PIK3C3: variants seen among roughly 807,000 people sequenced by gnomAD.
PIK3C3 encodes phosphatidylinositol 3-kinase catalytic subunit type 3.
A neutral mutation model predicts 126.1 loss-of-function variants in PIK3C3; 95 were observed. That is an observed-to-expected ratio of 0.75 (90% CI 0.64 to 0.89). PIK3C3 has a LOEUF of 0.89. Ranked by LOEUF, PIK3C3 falls within the 40% of genes least tolerant of loss-of-function variation. The pLI is 0.00. For missense variants in PIK3C3, 829 were observed against 1,063.2 expected (o/e 0.78, Z 3.06); for synonymous variants, 374 against 360.0 (o/e 1.04, Z -0.44).
intron 4 of PIK3C3, among the ~76,000 whole-genome samples, chr18:41,976,549 A>G (rs1568118042): frequency 6.6e-6 from 1 of 152,198 alleles, no homozygotes; most frequent in East Asian, 1.9e-4. Context: ...TTTAGAGACC[A>G]TTTTTTATTC....
At chr18:41,975,403 C>T (rs537331181) in intron 4 of PIK3C3, among the ~76,000 whole-genome samples, 11 of 152,248 alleles carry the variant, frequency 7.2e-5, no homozygotes, top group East Asian at 5.8e-4. Context: ...AATGCTTAGA[C>T]GCCCCTGGTG....
In PIK3C3 at chr18:41,957,667, G is replaced by C. The variant is rs376966650; in HGVS notation, c.166G>C (p.Asp56His). ...AGGACTATATCAAGAGACATGCTCT[G>C]ATCTTTATGTTACTTGTCAAGTTTT... ...FSGLYQETCS[D>H]LYVTCQVFAE... Residue 56 changes from aspartate (D) to histidine (H), a missense_variant, in exon 2 of 25, where the codon GAT becomes CAT. This residue lies in a region of PIK3C3 where 313 missense variants were observed against 340.7 expected (regional missense o/e 0.92). Transcript: ENST00000262039. 1 of 1,613,922 alleles carries C rather than the reference G, an allele frequency of 6.2e-7. No individual in the cohort carries two copies. Among genetic ancestry groups the C allele is most frequent in the African/African-American group, 1.3e-5 (1 of 75,048 alleles).
chr18:41,993,813 G>A (rs956492959), intron 7 of PIK3C3, among the ~76,000 whole-genome samples: 9 of 152,072 alleles, frequency 5.9e-5, no homozygotes, highest in African/African-American at 1.7e-4. Context: ...AATTTGGAAC[G>A]TGGTAACTTG....
chr18:42,034,879 T>A (rs1437343364), intron 16 of PIK3C3, among the ~76,000 whole-genome samples: 1 of 152,198 alleles, frequency 6.6e-6, no homozygotes, highest in Non-Finnish European at 1.5e-5. Flanking sequence ...CAGTTCATAT[T>A]TTTTAAAAAA....
At chr18:42,038,408 C>T (rs2144465025) in intron 17 of PIK3C3, among the ~76,000 whole-genome samples, 1 of 152,022 alleles carries the variant, frequency 6.6e-6, no homozygotes, top group South Asian at 2.1e-4. Context: ...GTGGCGCGAT[C>T]TTGGCTCACT....
chr18:42,023,592 A>C (rs973385808), intron 13 of PIK3C3, among the ~76,000 whole-genome samples: 1 of 152,208 alleles, frequency 6.6e-6, no homozygotes, highest in Non-Finnish European at 1.5e-5. Flanking sequence ...TCTGCCTATT[A>C]CATATTCAGA....
At chr18:42,070,358 T>A (rs1985722686) in intron 24 of PIK3C3, 1 of 152,230 alleles carries the variant, frequency 6.6e-6, no homozygotes, top group African/African-American at 2.4e-5. Flanking sequence ...AGCTTAAAGT[T>A]GAGCCTTCAA....
intron 16 of PIK3C3, 120 bp from the exon 17 acceptor site, chr18:42,037,572 G>A (rs1190544865): frequency 1.2e-6 from 1 of 825,406 alleles, no homozygotes; most frequent in Non-Finnish European, 1.9e-6. Flanking sequence ...AACCCAACTT[G>A]TTTTTTAGGT....
intron 24 of PIK3C3, among the ~76,000 whole-genome samples, chr18:42,075,465 G>A (rs1017914798): frequency 6.6e-6 from 1 of 151,828 alleles, no homozygotes; most frequent in Admixed American, 6.6e-5. Context: ...ACAACAACAG[G>A]AAAAATCATT....
chr18:42,063,497 T>C (rs976620530), intron 22 of PIK3C3, among the ~76,000 whole-genome samples: 3 of 152,230 alleles, frequency 2.0e-5, no homozygotes, highest in Non-Finnish European at 4.4e-5. Context: ...TTAGCTATTA[T>C]CATAACTTTT....
At position 42,015,457 on chromosome 18, in the gene PIK3C3, T is replaced by C; in HGVS notation, c.1326-19T>C. On this transcript the variant is annotated intron_variant, in intron 11 of 24. Coordinates refer to ENST00000262039, the MANE Select transcript of PIK3C3 (RefSeq NM_002647.4). ...CAGAGTATTTTACATCTCAGTGATC[T>C]CTTTTATTACTTTTTCAGCTCCCAA... 1.3e-6 allele frequency: 2 copies of C among 1,582,384 alleles called. No homozygotes were observed. The highest frequency in any genetic ancestry group is 1.7e-6 in the Non-Finnish European group (2 of 1,151,752).
At chr18:42,067,326 C>G in intron 23 of PIK3C3, 62 bp from the exon 24 acceptor site, 1 of 1,481,396 alleles carries the variant, frequency 6.8e-7, no homozygotes, top group Non-Finnish European at 9.4e-7. Context: ...CAGTTTGATT[C>G]TGCCTGTTCA....
At chr18:42,030,720 CT>C (rs1983784019) in intron 15 of PIK3C3, among the ~76,000 whole-genome samples, 1 of 152,204 alleles carries the variant, frequency 6.6e-6, no homozygotes, top group African/African-American at 2.4e-5. Flanking sequence ...ACTGTTCCCC[CT>C]GTAGCACCTC....
intron 16 of PIK3C3, among the ~76,000 whole-genome samples, chr18:42,036,041 T>G (rs1051504768): frequency 6.6e-6 from 1 of 152,180 alleles, no homozygotes; most frequent in Non-Finnish European, 1.5e-5. Context: ...AAGATTCTCC[T>G]GCCTGTCATT....
At chr18:42,076,211 CAT>C (rs1262353098) in intron 24 of PIK3C3, among the ~76,000 whole-genome samples, 31 of 135,112 alleles carry the variant, frequency 2.3e-4, no homozygotes, top group Admixed American at 6.0e-4. Flanking sequence ...TATATATGCA[CAT>C]ATATATATGC....
Position 42,085,280 on chromosome 18 carries a change from A to G in PIK3C3, c.*4143A>G, listed in dbSNP as rs1167237777. ...TGAGGGTAGATAACCCATATTCCAA[A>G]ATACAGTATTATTTTCATTTGCTGT... On this transcript the variant is annotated 3_prime_UTR_variant, in exon 25 of 25. Coordinates refer to ENST00000262039, the MANE Select transcript of PIK3C3 (RefSeq NM_002647.4). The G allele has an allele frequency of 6.6e-6, 1 of 152,176 alleles. No individual in the cohort carries two copies. The highest frequency in any genetic ancestry group is 1.5e-5 in the Non-Finnish European group (1 of 68,028). The allele number at this position is 152,176 out of a possible 1,614,324, so 9.4% of individuals were successfully genotyped here.
chr18:41,987,803 A>T lies in PIK3C3; in HGVS notation c.532-9A>T, dbSNP rs529330186. ...TATTAAAATTTTCGTCATTGTATTT[A>T]TTCTGCAGCTCACCAAAGCTCATCG... On this transcript the variant is annotated splice_polypyrimidine_tract_variant and intron_variant, in intron 4 of 24. Coordinates refer to ENST00000262039, the MANE Select transcript of PIK3C3 (RefSeq NM_002647.4). 3 of 1,595,926 alleles carry T rather than the reference A, an allele frequency of 1.9e-6. No individual in the cohort carries two copies. The highest frequency in any genetic ancestry group is 1.7e-6 in the Non-Finnish European group (2 of 1,168,570).
intron 12 of PIK3C3, 53 bp from the exon 13 acceptor site, chr18:42,020,584 TC>T: frequency 9.0e-7 from 1 of 1,108,382 alleles, no homozygotes; most frequent in Non-Finnish European, 1.3e-6. Context: ...TTACTTATTT[TC>T]CCCCATTACT....
intron 22 of PIK3C3, among the ~76,000 whole-genome samples, chr18:42,058,979 C>T (rs1985195663): frequency 6.6e-6 from 1 of 152,208 alleles, no homozygotes; most frequent in Non-Finnish European, 1.5e-5. Context: ...CCTTTGACTT[C>T]ATAACCTTTG....
Sources: allele counts gnomAD v4.1 joint callset (sites outside exome capture counted in the v4.1 genomes callset), GRCh38; gene constraint gnomAD v4.1.1; regional missense constraint gnomAD v4.1.1; transcripts MANE v1.5; gene names NCBI Gene and HGNC (gene_info 2026-07-23, HGNC 2026-07-21).